Variants in CACNA2D3 observed in about 807,000 individuals in gnomAD.
The protein encoded by CACNA2D3 is calcium voltage-gated channel auxiliary subunit alpha2delta 3, also known as voltage-dependent calcium channel subunit alpha-2/delta-3.
CACNA2D3 carries 60 observed loss-of-function variants against 160.6 expected under a neutral mutation model. That is an observed-to-expected ratio of 0.37 (90% CI 0.30 to 0.46). The LOEUF (loss-of-function observed/expected upper bound fraction) is 0.46, where lower values mean the gene tolerates loss of function less well. Among genes scored for constraint, CACNA2D3 ranks in the 20% least tolerant of loss-of-function variants. The pLI, the probability that CACNA2D3 is intolerant of heterozygous loss-of-function variation, is 1.00. For synonymous variants in CACNA2D3, 558 were observed against 492.9 expected (o/e 1.13, Z -1.75); for missense variants, 1,205 against 1,365.0 (o/e 0.88, Z 1.85).
intron 2 of CACNA2D3, among the ~76,000 whole-genome samples, chr3:54,158,030 C>T (rs1700276060): frequency 6.6e-6 from 1 of 152,178 alleles, no homozygotes; most frequent in South Asian, 2.1e-4. Context: ...ATTGCAGCTT[C>T]CTGGTGCTGG....
At chr3:54,867,181 C>T (rs1329786143) in intron 17 of CACNA2D3, among the ~76,000 whole-genome samples, 2 of 152,118 alleles carry the variant, frequency 1.3e-5, no homozygotes. Flanking sequence ...GCCGAGGGAC[C>T]TGGGATTTGT....
At chr3:55,006,444 G>A (rs891400381) in intron 32 of CACNA2D3, among the ~76,000 whole-genome samples, 2 of 152,024 alleles carry the variant, frequency 1.3e-5, no homozygotes, top group South Asian at 2.1e-4. Flanking sequence ...ACACAACATC[G>A]TCCCATAGTC....
chr3:54,283,043 A>G (rs991938893), intron 2 of CACNA2D3, among the ~76,000 whole-genome samples: 4 of 152,216 alleles, frequency 2.6e-5, no homozygotes, highest in Admixed American at 6.5e-5. Context: ...ACATGATCCT[A>G]AAAGGATTTT....
chr3:54,960,242 A>ATT (rs1287762291), intron 27 of CACNA2D3, among the ~76,000 whole-genome samples: 1 of 152,132 alleles, frequency 6.6e-6, no homozygotes, highest in African/African-American at 2.4e-5. Context: ...GGCCTTGTCA[A>ATT]TGGTGTGATA....
At chr3:54,237,457 CT>C (rs530996599) in intron 2 of CACNA2D3, among the ~76,000 whole-genome samples, 398 of 152,240 alleles carry the variant, frequency 2.6e-3, no homozygotes, top group Middle Eastern at 0.01. Context: ...TCCTGCTAAG[CT>C]AAGTATCCAT....
intron 2 of CACNA2D3, among the ~76,000 whole-genome samples, chr3:54,129,713 T>C (rs1345956071): frequency 6.6e-6 from 1 of 152,232 alleles, no homozygotes; most frequent in Non-Finnish European, 1.5e-5. Context: ...TGGGTAAGGC[T>C]ATAAATGCTG....
intron 4 of CACNA2D3, among the ~76,000 whole-genome samples, chr3:54,499,346 A>T (rs1347177928): frequency 1.3e-5 from 2 of 152,154 alleles, no homozygotes; most frequent in Admixed American, 6.5e-5. Context: ...CTATAATTTT[A>T]AAAAGAACAA....
intron 3 of CACNA2D3, among the ~76,000 whole-genome samples, chr3:54,350,969 T>G (rs1412524889): frequency 1.0e-3 from 45 of 43,736 alleles, no homozygotes; most frequent in African/African-American, 1.4e-3. Context: ...CTTGAGTCTG[T>G]TTTTTTTTTT....
At chr3:54,166,112 A>G (rs1700449928) in intron 2 of CACNA2D3, among the ~76,000 whole-genome samples, 1 of 152,148 alleles carries the variant, frequency 6.6e-6, no homozygotes, top group East Asian at 1.9e-4. Context: ...GGCTTTGTTG[A>G]GATGGTTGGG....
chr3:54,494,349 A>G (rs1385313853), intron 4 of CACNA2D3, among the ~76,000 whole-genome samples: 1 of 152,196 alleles, frequency 6.6e-6, no homozygotes, highest in African/African-American at 2.4e-5. Flanking sequence ...GGGGAGGAGA[A>G]GCAGAACACA....
intron 2 of CACNA2D3, among the ~76,000 whole-genome samples, chr3:54,214,350 C>T (rs1274499447): frequency 6.6e-6 from 1 of 152,066 alleles, no homozygotes; most frequent in Non-Finnish European, 1.5e-5. Context: ...TTTTCAAGAC[C>T]TTTCTTTTGC....
At chr3:54,491,666 T>G (rs1701112617) in intron 4 of CACNA2D3, among the ~76,000 whole-genome samples, 1 of 152,202 alleles carries the variant, frequency 6.6e-6, no homozygotes, top group Admixed American at 6.5e-5. Context: ...CTGCCTGTTT[T>G]TATAAATAAA....
At chr3:54,562,049 C>T (rs527651302) in intron 5 of CACNA2D3, among the ~76,000 whole-genome samples, 1 of 152,298 alleles carries the variant, frequency 6.6e-6, no homozygotes, top group East Asian at 1.9e-4. Flanking sequence ...CCCCATGATT[C>T]AATTATCTCC....
intron 2 of CACNA2D3, among the ~76,000 whole-genome samples, chr3:54,231,500 G>C (rs1399899125): frequency 2.0e-5 from 3 of 152,212 alleles, no homozygotes; most frequent in Non-Finnish European, 1.5e-5. Flanking sequence ...TACTCTCTGA[G>C]CATCTGCCAA....
intron 5 of CACNA2D3, among the ~76,000 whole-genome samples, chr3:54,543,284 G>C (rs2106668440): frequency 6.6e-6 from 1 of 152,284 alleles, no homozygotes; most frequent in East Asian, 1.9e-4. Flanking sequence ...TCCCATCTTA[G>C]TACAAACAAA....
chr3:54,820,097 G>A (rs974505652), intron 14 of CACNA2D3, among the ~76,000 whole-genome samples: 4 of 152,154 alleles, frequency 2.6e-5, no homozygotes, highest in African/African-American at 9.7e-5. Flanking sequence ...GGCACCCCCA[G>A]CCACTACAGC....
chr3:54,960,362 A>C (rs748304458), intron 27 of CACNA2D3, among the ~76,000 whole-genome samples: 1 of 152,216 alleles, frequency 6.6e-6, no homozygotes, highest in Non-Finnish European at 1.5e-5. Flanking sequence ...ACCACAGGGA[A>C]TACTTCAGAA....
At chr3:54,550,181 T>G (rs971539948) in intron 5 of CACNA2D3, among the ~76,000 whole-genome samples, 3 of 152,206 alleles carry the variant, frequency 2.0e-5, no homozygotes, top group African/African-American at 7.2e-5. Flanking sequence ...GGCTTTACTT[T>G]ATGAGGAGGG....
chr3:54,930,639 A>T (rs1487373436), intron 27 of CACNA2D3, among the ~76,000 whole-genome samples: 1 of 152,246 alleles, frequency 6.6e-6, no homozygotes, highest in African/African-American at 2.4e-5. Context: ...GCACACTTTC[A>T]TGCTGCTTAT....
Sources: gnomAD v4.1 joint callset for allele counts (sites outside exome capture counted in the v4.1 genomes callset) on GRCh38, gnomAD v4.1.1 for gene constraint, MANE v1.5 for transcripts, NCBI Gene and HGNC (gene_info 2026-07-23, HGNC 2026-07-21) for gene names.